Variants in KCNIP4 observed in about 807,000 individuals in gnomAD.
KCNIP4 encodes potassium voltage-gated channel interacting protein 4, also known as Kv channel-interacting protein 4.
KCNIP4 carries 12 observed loss-of-function variants against 34.0 expected under a neutral mutation model. That is an observed-to-expected ratio of 0.35 (90% CI 0.23 to 0.57). KCNIP4 has a LOEUF of 0.57. KCNIP4 is among the 20% of genes least tolerant of loss of function. KCNIP4 has a pLI of 0.83. For synonymous variants in KCNIP4, 124 were observed against 102.2 expected, an observed-to-expected ratio of 1.21 and a Z score of -1.29; for missense variants, 238 against 311.7, an observed-to-expected ratio of 0.76 and a Z score of 1.78.
At chr4:21,708,458 A>G (rs2109072851) in intron 1 of KCNIP4, among the ~76,000 whole-genome samples, 1 of 152,298 alleles carries the variant, frequency 6.6e-6, no homozygotes, top group East Asian at 1.9e-4. Flanking sequence ...ATTCTCAAAA[A>G]CACAGACTTT....
chr4:21,339,586 A>T (rs1373242072), intron 1 of KCNIP4, among the ~76,000 whole-genome samples: 2 of 152,212 alleles, frequency 1.3e-5, no homozygotes, highest in African/African-American at 4.8e-5. Flanking sequence ...AGTGGGGATA[A>T]ATAGAAAGGG....
At chr4:21,287,641 C>T (rs1763200095) in intron 1 of KCNIP4, among the ~76,000 whole-genome samples, 3 of 152,122 alleles carry the variant, frequency 2.0e-5, no homozygotes, top group African/African-American at 7.2e-5. Flanking sequence ...TGTGGAAGAA[C>T]CTGATACCAA....
chr4:21,731,153 G>C (rs1011661905), intron 1 of KCNIP4, among the ~76,000 whole-genome samples: 1 of 150,918 alleles, frequency 6.6e-6, no homozygotes, highest in African/African-American at 2.4e-5. Context: ...ATAGACATTA[G>C]CCTTATGATT....
chr4:20,954,163 A>G (rs1733068265), intron 1 of KCNIP4, among the ~76,000 whole-genome samples: 1 of 152,210 alleles, frequency 6.6e-6, no homozygotes, highest in Admixed American at 6.5e-5. Flanking sequence ...AAATGATGGC[A>G]AGAAACCTGG....
chr4:20,745,703 T>G (rs565872022), intron 5 of KCNIP4, among the ~76,000 whole-genome samples: 1 of 152,324 alleles, frequency 6.6e-6, no homozygotes, highest in East Asian at 1.9e-4. Flanking sequence ...GATTTGACTT[T>G]ATAATAGCCT....
intron 1 of KCNIP4, among the ~76,000 whole-genome samples, chr4:20,927,626 A>G (rs545041173): frequency 6.6e-6 from 1 of 152,290 alleles, no homozygotes; most frequent in East Asian, 1.9e-4. Context: ...TTTACCCCCA[A>G]AAAATTAAAA....
intron 1 of KCNIP4, among the ~76,000 whole-genome samples, chr4:21,867,269 A>C (rs1437528001): frequency 6.6e-6 from 1 of 152,212 alleles, no homozygotes; most frequent in Non-Finnish European, 1.5e-5. Flanking sequence ...AATTTGAAGG[A>C]AAGGTTCATT....
intron 1 of KCNIP4, among the ~76,000 whole-genome samples, chr4:21,712,393 C>G (rs1037493389): frequency 6.6e-6 from 1 of 152,160 alleles, no homozygotes; most frequent in Non-Finnish European, 1.5e-5. Flanking sequence ...GCTAGTGAAA[C>G]AGGATGGGGG....
chr4:20,791,526 G>T (rs1712755976), intron 3 of KCNIP4, among the ~76,000 whole-genome samples: 1 of 151,996 alleles, frequency 6.6e-6, no homozygotes, highest in Non-Finnish European at 1.5e-5. Flanking sequence ...CAGGAACAAA[G>T]AAATGGAAGT....
intron 3 of KCNIP4, among the ~76,000 whole-genome samples, chr4:20,800,400 A>G (rs781740934): frequency 2.6e-5 from 4 of 152,238 alleles, no homozygotes; most frequent in Admixed American, 1.3e-4. Flanking sequence ...GACATCACCA[A>G]AGGAGCACAA....
At chr4:21,666,833 G>T (rs1749002395) in intron 1 of KCNIP4, among the ~76,000 whole-genome samples, 1 of 152,156 alleles carries the variant, frequency 6.6e-6, no homozygotes. Context: ...TGAATAAGGG[G>T]GAGGAAAGAG....
At chr4:21,182,296 A>G (rs1484525827) in intron 1 of KCNIP4, among the ~76,000 whole-genome samples, 3 of 152,146 alleles carry the variant, frequency 2.0e-5, no homozygotes, top group Admixed American at 6.6e-5. Flanking sequence ...TTCTTGCTCA[A>G]AACAACCCAG....
chr4:21,340,500 T>C lies in KCNIP4; in HGVS notation c.62-457791A>G, dbSNP rs369822059. On this transcript the variant is annotated intron_variant, in intron 1 of 8. Transcript: ENST00000382152. The stretch of plus-strand genomic sequence containing the variant: ...GTTCTGATATGTATAGAATAATAAC[T>C]TGGCAGGATCTCATAAACAGCAGTT... Among the ~76,000 whole-genome samples the C allele has an allele frequency of 3.3e-5, 5 of 152,274 alleles. No homozygotes were observed. In the East Asian group the frequency reaches 7.7e-4, roughly 24 times the overall value.
At chr4:21,215,428 T>C (rs1757487461) in intron 1 of KCNIP4, among the ~76,000 whole-genome samples, 1 of 152,248 alleles carries the variant, frequency 6.6e-6, no homozygotes, top group South Asian at 2.1e-4. Context: ...ATGCGTGTTC[T>C]TTTCCTAGTA....
rs200866453 is a variant in KCNIP4 at position 21,059,727 on chromosome 4, CAAG to C, written c.62-177021_62-177019del. 4.8e-3 allele frequency among the ~76,000 whole-genome samples: 737 copies of C among 152,136 alleles called. 6 individuals are homozygous for C. Among genetic ancestry groups the C allele is most frequent in the African/African-American group, 0.017 (708 of 41,524 alleles). ...AGAAATAAGCAGAAAATAAAAACTA[CAAG>C]AAGATGTTTAACCTAGAAAAATGAA... On this transcript the variant is annotated intron_variant, in intron 1 of 8. Transcript: ENST00000382152.
chr4:20,785,625 T>G (rs954127347), intron 3 of KCNIP4, among the ~76,000 whole-genome samples: 17 of 152,296 alleles, frequency 1.1e-4, no homozygotes, highest in Admixed American at 9.8e-4. Flanking sequence ...GATAATACAT[T>G]TTACATTTAT....
At chr4:20,952,744 G>C (rs567021196) in intron 1 of KCNIP4, among the ~76,000 whole-genome samples, 269 of 152,140 alleles carry the variant, frequency 1.8e-3, no homozygotes, top group African/African-American at 6.2e-3. Context: ...CTCTGAAATT[G>C]TCTAACTTAT....
intron 1 of KCNIP4, among the ~76,000 whole-genome samples, chr4:20,994,128 A>G (rs1225149928): frequency 6.6e-6 from 1 of 152,212 alleles, no homozygotes; most frequent in African/African-American, 2.4e-5. Flanking sequence ...TTCATTCACA[A>G]TACTGATTAC....
chr4:20,731,279 G>T, intron 8 of KCNIP4: 1 of 472,984 alleles, frequency 2.1e-6, no homozygotes, highest in Non-Finnish European at 2.8e-6. Flanking sequence ...TTGCTATGTT[G>T]CCCACATTGG....
Sources: allele counts gnomAD v4.1 joint callset (sites outside exome capture counted in the v4.1 genomes callset), GRCh38; gene constraint gnomAD v4.1.1; transcripts MANE v1.5; gene names NCBI Gene and HGNC (gene_info 2026-07-23, HGNC 2026-07-21).